Variants in CHD1 observed in about 807,000 individuals in gnomAD.
CHD1 encodes the protein ATP-dependent chromatin remodeler CHD1.
CHD1 carries 36 observed loss-of-function variants against 224.2 expected under a neutral mutation model. That is an observed-to-expected ratio of 0.16 (90% CI 0.12 to 0.21). The LOEUF is 0.21. Among genes scored for constraint, CHD1 ranks in the 10% least tolerant of loss-of-function variants. The pLI, the probability that CHD1 is intolerant of heterozygous loss-of-function variation, is 1.00. For synonymous variants in CHD1, 668 were observed against 658.3 expected, an observed-to-expected ratio of 1.01 and a Z score of -0.23; for missense variants, 1,378 against 1,994.8, an observed-to-expected ratio of 0.69 and a Z score of 5.89.
At chr5:98,896,537 T>C (rs1751353026) in intron 11 of CHD1, 95 bp from the exon 12 acceptor site, 2 of 763,822 alleles carry the variant, frequency 2.6e-6, no homozygotes, top group Non-Finnish European at 4.3e-6. Flanking sequence ...TGAAGTTAAA[T>C]AAAATTGATA....
chr5:98,904,190 G>A (rs56266759), intron 3 of CHD1, among the ~76,000 whole-genome samples: 3,882 of 152,210 alleles, frequency 0.026, 79 homozygotes, highest in Middle Eastern at 0.068. Flanking sequence ...TCATAGTGTG[G>A]TTACCTATTT....
chr5:98,900,886 C>T lies in CHD1; in HGVS notation c.784G>A (p.Asp262Asn). Reference protein sequence around the residue: ...SDDLLEVCGEDVPQPEEEEFE... With the variant: ...SDDLLEVCGENVPQPEEEEFE... Reference sequence around the variant, plus strand: ...TCCTCTTCCTCAGGTTGAGGAACATCCTCTCCACAGACTTCCAGTAGGTCA... The same window carrying T: ...TCCTCTTCCTCAGGTTGAGGAACATTCTCTCCACAGACTTCCAGTAGGTCA... Residue 262 changes from aspartate to asparagine, a missense_variant, in exon 7 of 36, where the codon GAT becomes AAT. By Grantham distance (23) the Asp-to-Asn change is conservative (BLOSUM62 1). This residue lies in a region of CHD1 where 306 missense variants were observed against 298.1 expected (regional missense o/e 1.03). Coordinates refer to ENST00000614616, the MANE Select transcript of CHD1 (RefSeq NM_001270.4). The T allele has an allele frequency of 6.2e-7, 1 of 1,613,762 alleles. No homozygotes were observed. The highest frequency in any genetic ancestry group is 8.5e-7 in the Non-Finnish European group (1 of 1,179,680).
chr5:98,928,173 G>A (rs1005498189), intron 1 of CHD1, among the ~76,000 whole-genome samples: 1 of 150,616 alleles, frequency 6.6e-6, no homozygotes, highest in Non-Finnish European at 1.5e-5. Context: ...CGCCCGAGCC[G>A]CCGCCCCCTC....
intron 2 of CHD1, among the ~76,000 whole-genome samples, chr5:98,911,383 T>C (rs894807659): frequency 7.3e-5 from 11 of 151,708 alleles, no homozygotes; most frequent in Non-Finnish European, 1.3e-4. Flanking sequence ...GAATGTCAAC[T>C]GGTAAGGGTA....
At chr5:98,871,696 C>A (rs952689111) in intron 28 of CHD1, among the ~76,000 whole-genome samples, 1 of 151,990 alleles carries the variant, frequency 6.6e-6, no homozygotes, top group African/African-American at 2.4e-5. Flanking sequence ...CTGATTGCAT[C>A]TTTATATATT....
intron 16 of CHD1, among the ~76,000 whole-genome samples, chr5:98,888,523 A>G (rs1335857919): frequency 6.6e-6 from 1 of 152,204 alleles, no homozygotes; most frequent in Non-Finnish European, 1.5e-5. Context: ...GTGTTTCTCC[A>G]AAAATCTTAG....
At chr5:98,884,020 T>C (rs1750443067) in intron 18 of CHD1, 1 of 152,568 alleles carries the variant, frequency 6.6e-6, no homozygotes, top group African/African-American at 2.4e-5. Flanking sequence ...TTTTGTATTT[T>C]TAGTAGAGAT....
chr5:98,899,489 G>T lies in CHD1; in HGVS notation c.1076C>A (p.Thr359Lys). The T allele has an allele frequency of 6.3e-7, 1 of 1,590,506 alleles. No homozygotes were observed. The highest frequency in any genetic ancestry group is 8.6e-7 in the Non-Finnish European group (1 of 1,160,580). Residue 359 changes from threonine to lysine, a missense_variant, in exon 8 of 36, where the codon ACA becomes AAA. Thr to Lys is a moderately conservative substitution (Grantham distance 78). Around this residue, in one of 16 missense-constraint regions of CHD1, gnomAD observed 15 missense variants for 16.2 expected, o/e 0.93. Coordinates refer to ENST00000614616, the MANE Select transcript of CHD1 (RefSeq NM_001270.4). The stretch of plus-strand genomic sequence containing the variant: ...TATACAGCATACTTACCATCTTTTT[G>T]TTTCCTGATCTTTTTTCTTATAATT... ...LDNYKKKDQE[T>K]KRWLKNASPE...
At position 98,875,121 on chromosome 5, in the gene CHD1, A is replaced by G. The variant is rs1484596499; in HGVS notation, c.3399-8T>C. ...TTATAGCTCTTGATAAACCTAAGAG[A>G]AAATAATTGTTTGGTAAATGTGAGC... On this transcript the variant is annotated splice_polypyrimidine_tract_variant and splice_region_variant and intron_variant, in intron 24 of 35. Transcript: ENST00000614616. 1 of 1,486,578 alleles carries G rather than the reference A, an allele frequency of 6.7e-7. No homozygotes were observed. The highest frequency in any genetic ancestry group is 1.4e-5 in the African/African-American group (1 of 71,772). 92.1% of individuals were successfully genotyped at this position (1,486,578 alleles called of 1,614,324 possible).
chr5:98,878,907 CA>C (rs1474864684), intron 23 of CHD1, among the ~76,000 whole-genome samples: 1 of 152,178 alleles, frequency 6.6e-6, no homozygotes, highest in East Asian at 1.9e-4. Flanking sequence ...AGAGAGATTA[CA>C]TTTCTATATC....
intron 8 of CHD1, among the ~76,000 whole-genome samples, 188 bp downstream of exon 8, chr5:98,899,292 G>A (rs1329932419): frequency 4.0e-5 from 6 of 151,738 alleles, no homozygotes; most frequent in African/African-American, 1.5e-4. Context: ...TTTTCCCTCC[G>A]AATACTTTCA....
intron 34 of CHD1, 34 bp from the exon 35 acceptor site, chr5:98,858,424 T>TAAAAA (rs1409953157): frequency 6.5e-7 from 1 of 1,549,458 alleles, no homozygotes; most frequent in Admixed American, 1.8e-5. Flanking sequence ...TTAATGACCT[T>TAAAAA]AAAAATAATG....
chr5:98,901,240 G>T lies in CHD1; in HGVS notation c.533C>A (p.Thr178Lys). 6.2e-7 allele frequency: 1 copy of T among 1,613,874 alleles called. No homozygotes were observed. The highest frequency in any genetic ancestry group is 8.5e-7 in the Non-Finnish European group (1 of 1,179,920). The stretch of plus-strand genomic sequence containing the variant: ...GTTTTTTGGCTCATAATCAGATTCT[G>T]TTTCATCACAACTGCTTTTCTCTCT... Reference protein sequence around the residue: ...EEREKSSCDETESDYEPKNKV... With the variant: ...EEREKSSCDEKESDYEPKNKV... Residue 178 changes from threonine (T) to lysine (K), a missense_variant, in exon 6 of 36, where the codon ACA (threonine) becomes AAA (lysine). Coordinates refer to ENST00000614616, the MANE Select transcript of CHD1 (RefSeq NM_001270.4).
chr5:98,909,139 T>C (rs1295614443), intron 2 of CHD1, among the ~76,000 whole-genome samples: 1 of 152,138 alleles, frequency 6.6e-6, no homozygotes, highest in African/African-American at 2.4e-5. Context: ...ATTAAAGATA[T>C]TTAATATTAT....
At chr5:98,892,756 A>G in intron 14 of CHD1, 43 bp from the exon 15 acceptor site, 1 of 1,440,164 alleles carries the variant, frequency 6.9e-7, no homozygotes. Flanking sequence ...GAAAAAATCA[A>G]ATTGTGTATG....
chr5:98,858,954 G>GCTTA lies in CHD1; in HGVS notation c.4576+6_4576+9dup. 1 of 1,532,510 alleles carries GCTTA rather than the reference G, an allele frequency of 6.5e-7. No homozygotes were observed. Among genetic ancestry groups the GCTTA allele is most frequent in the Non-Finnish European group, 8.7e-7 (1 of 1,148,316 alleles). 94.9% of individuals were successfully genotyped at this position (1,532,510 alleles called of 1,614,324 possible). A position where few individuals can be genotyped will look rare whatever the true frequency, so the allele number is the denominator to read the frequency against. On this transcript the variant is annotated intron_variant, in intron 34 of 35. Transcript: ENST00000614616. ...TTAATTTATTTTCCCAATCAGTAAG[G>GCTTA]CTTACATACCTGGATTTCTAATCAC...
intron 18 of CHD1, among the ~76,000 whole-genome samples, chr5:98,884,267 G>A (rs1445897164): frequency 1.3e-5 from 2 of 151,710 alleles, no homozygotes; most frequent in Admixed American, 1.3e-4. Flanking sequence ...GTAGAGATGG[G>A]GTTTCACTGT....
At chr5:98,901,103 A>T (rs1006149545) in intron 6 of CHD1, 21 bp from the exon 7 acceptor site, 28 of 1,566,504 alleles carry the variant, frequency 1.8e-5, no homozygotes, top group Non-Finnish European at 2.2e-5. Flanking sequence ...GCAAAGAGAA[A>T]AAAAAACAAG....
chr5:98,870,542 T>C (rs996395202), intron 29 of CHD1, 145 bp downstream of exon 29: 16 of 464,106 alleles, frequency 3.4e-5, no homozygotes, highest in Non-Finnish European at 6.2e-5. Context: ...AATTTAAATA[T>C]GGCAACATCA....
Sources: gnomAD v4.1 joint callset for allele counts (sites outside exome capture counted in the v4.1 genomes callset) on GRCh38, gnomAD v4.1.1 for gene constraint, gnomAD v4.1.1 regional missense constraint, MANE v1.5 for transcripts, NCBI Gene and HGNC (gene_info 2026-07-23, HGNC 2026-07-21) for gene names.